GLB1L2: variants seen among roughly 807,000 people sequenced by gnomAD.
GLB1L2 encodes galactosidase beta 1 like 2, also known as beta-galactosidase-1-like protein 2.
Under a neutral mutation model 84.1 loss-of-function variants are expected in GLB1L2, and 68 were observed. The ratio of observed to expected loss-of-function variants is 0.81; its 90% CI spans 0.67 to 0.99. The LOEUF (loss-of-function observed/expected upper bound fraction) is 0.99, where lower values mean the gene tolerates loss of function less well. Ranked by LOEUF, GLB1L2 falls within the 50% of genes least tolerant of loss-of-function variation. GLB1L2 has a pLI of 0.00. For missense variants in GLB1L2, 762 were observed against 805.6 expected, an observed-to-expected ratio of 0.95 and a Z score of 0.66; for synonymous variants, 290 against 318.0, an observed-to-expected ratio of 0.91 and a Z score of 0.94.
intron 16 of GLB1L2, 79 bp downstream of exon 16, chr11:134,373,887 C>T (rs1017342150): frequency 2.6e-5 from 28 of 1,085,000 alleles, no homozygotes; most frequent in African/African-American, 1.7e-4. Flanking sequence ...CCTGGTGCAC[C>T]GTGGCCTGGC....
chr11:134,347,182 A>T, intron 4 of GLB1L2, 143 bp from the exon 5 acceptor site: 1 of 697,022 alleles, frequency 1.4e-6, no homozygotes, highest in Non-Finnish European at 2.6e-6. Flanking sequence ...TTGTCTCCCC[A>T]CTTCTGGGCT....
intron 1 of GLB1L2, 108 bp from the exon 2 acceptor site, chr11:134,342,646 A>C: frequency 1.8e-6 from 2 of 1,116,748 alleles, no homozygotes; most frequent in South Asian, 3.1e-5. Flanking sequence ...AGCCACCTGG[A>C]CGCAGGCGCC....
Position 134,369,887 on chromosome 11 carries a change from T to A in GLB1L2, c.1108+2T>A, listed in dbSNP as rs1943923629. On this transcript the variant is annotated splice_donor_variant, in intron 11 of 18. Transcript: ENST00000535456. LOFTEE classifies it high-confidence loss of function. ...GAGACTTCTTCGGCTCCATCTCAGG[T>A]ACCCAGCAGACAGCAGACTCAAGTT... 2 of 1,612,888 alleles carry A rather than the reference T, an allele frequency of 1.2e-6. No individual in the cohort carries two copies. The highest frequency in any genetic ancestry group is 2.2e-5 in the South Asian group (2 of 91,052).
In GLB1L2 at chr11:134,338,062, G is replaced by A. The variant is rs1365259596; in HGVS notation, c.87-4692G>A. 6.6e-6 allele frequency among the ~76,000 whole-genome samples: 1 copy of A among 152,174 alleles called. No individual in the cohort carries two copies. The highest frequency in any genetic ancestry group is 1.5e-5 in the Non-Finnish European group (1 of 68,028). On this transcript the variant is annotated intron_variant, in intron 1 of 18. Coordinates refer to ENST00000535456, the MANE Select transcript of GLB1L2 (RefSeq NM_001370461.1). This position sits in a 1 kb window ranked among gnomAD's most constrained non-coding sequence, Gnocchi z 6.2. ...AGATACCAGCTTGCGTATGCTGGTG[G>A]CCAGCCTCGGACTGCGTGAGTGCTG... is the stretch of plus-strand genomic sequence containing the variant.
chr11:134,371,747 G>A lies in GLB1L2; in HGVS notation c.1429-5G>A, dbSNP rs552248028. 16 of 1,613,948 alleles carry A rather than the reference G, an allele frequency of 9.9e-6. No individual in the cohort carries two copies. Among genetic ancestry groups the A allele is most frequent in the Admixed American group, 8.3e-5 (5 of 60,012 alleles). ...CAGTCATCGTTAGCCCCGTGTTCCCGGCAGGGTTACACCGTGCTGAGGATC... is the reference window on the plus strand; with the variant it reads ...CAGTCATCGTTAGCCCCGTGTTCCCAGCAGGGTTACACCGTGCTGAGGATC... On this transcript the variant is annotated splice_region_variant and splice_polypyrimidine_tract_variant and intron_variant, in intron 14 of 18. Coordinates refer to ENST00000535456, the MANE Select transcript of GLB1L2 (RefSeq NM_001370461.1).
At chr11:134,367,428 A>G (rs1242073367) in intron 9 of GLB1L2, 87 bp downstream of exon 9, 7 of 1,116,062 alleles carry the variant, frequency 6.3e-6, no homozygotes, top group Non-Finnish European at 9.2e-6. Flanking sequence ...AATGTAAGCC[A>G]TAGGGGGTGC....
chr11:134,341,383 C>CGACAGTTG (rs1274261629), intron 1 of GLB1L2, among the ~76,000 whole-genome samples: 3 of 66,362 alleles, frequency 4.5e-5, no homozygotes, highest in African/African-American at 1.5e-4. Context: ...TAACCCAAGG[C>CGACAGTTG]GACAGTTCTA....
At position 134,368,014 on chromosome 11, in the gene GLB1L2, C is replaced by T. The variant is rs893550907; in HGVS notation, c.890-630C>T. Among the ~76,000 whole-genome samples the T allele has an allele frequency of 4.1e-4, 62 of 152,294 alleles. 1 individual carries two copies. The highest frequency in any genetic ancestry group is 2.9e-4 in the Non-Finnish European group (20 of 68,024). ...TCGGCACCGTGTAGATGTGCATGCT[C>T]GCCCCTCAGCCCCCGGAAAGACGGC... On this transcript the variant is annotated intron_variant, in intron 9 of 18. Coordinates refer to ENST00000535456, the MANE Select transcript of GLB1L2 (RefSeq NM_001370461.1).
intron 1 of GLB1L2, among the ~76,000 whole-genome samples, chr11:134,336,072 G>A (rs1177316407): frequency 6.6e-6 from 1 of 152,202 alleles, no homozygotes; most frequent in Non-Finnish European, 1.5e-5. Flanking sequence ...TAGAAAGGCA[G>A]CAGGTGTTTT....
chr11:134,335,909 C>G (rs998850912), intron 1 of GLB1L2, among the ~76,000 whole-genome samples: 7 of 152,278 alleles, frequency 4.6e-5, no homozygotes, highest in Middle Eastern at 3.4e-3. Context: ...CCTCCCTCTC[C>G]ACCATCACCA....
At chr11:134,365,408 G>T (rs982648860) in intron 8 of GLB1L2, among the ~76,000 whole-genome samples, 3 of 152,198 alleles carry the variant, frequency 2.0e-5, no homozygotes, top group African/African-American at 7.2e-5. Context: ...GCAGTGGAGT[G>T]GGGGGTGCCT....
rs756435376 is a variant in GLB1L2 at position 134,344,407 on chromosome 11, A to C, written c.305A>C (p.His102Pro). 1 of 1,613,472 alleles carries C rather than the reference A, an allele frequency of 6.2e-7. No individual in the cohort carries two copies. Among genetic ancestry groups the C allele is most frequent in the Non-Finnish European group, 8.5e-7 (1 of 1,180,040 alleles). The change falls in exon 3 of 19, where the codon CAT (histidine) becomes CCT (proline). Residue 102 changes from histidine (H) to proline (P), a missense_variant. By Grantham distance (77) the His-to-Pro change is moderately conservative. Coordinates refer to ENST00000535456, the MANE Select transcript of GLB1L2 (RefSeq NM_001370461.1). ...TGCAGCTATGTTCCGTGGAACCTGC[A>C]TGAGCCAGAAAGAGGCAAATTTGAC... ...TLTTYVPWNL[H>P]EPERGKFDFS...
At chr11:134,371,572 TG>T in intron 14 of GLB1L2, 80 bp downstream of exon 14, 1 of 1,058,578 alleles carries the variant, frequency 9.4e-7, no homozygotes, top group Non-Finnish European at 1.5e-6. Flanking sequence ...GAGGAAAACC[TG>T]GGAGACCCGT....
chr11:134,354,722 A>G (rs1486316293), intron 5 of GLB1L2, among the ~76,000 whole-genome samples: 1 of 152,124 alleles, frequency 6.6e-6, no homozygotes, highest in Non-Finnish European at 1.5e-5. Flanking sequence ...TTTCTGGCTG[A>G]GATATCCTTT....
chr11:134,344,740 G>A (rs892176966), intron 3 of GLB1L2, among the ~76,000 whole-genome samples: 30 of 152,242 alleles, frequency 2.0e-4, no homozygotes, highest in African/African-American at 6.5e-4. Context: ...CGCTGGGCTG[G>A]GGCAGGGCGG....
chr11:134,356,497 C>A, intron 6 of GLB1L2, 104 bp downstream of exon 6: 1 of 733,226 alleles, frequency 1.4e-6, no homozygotes, highest in Non-Finnish European at 2.4e-6. Context: ...TTAATACATC[C>A]TCCAACATCA....
At chr11:134,373,912 G>A (rs1943990513) in intron 16 of GLB1L2, 104 bp downstream of exon 16, 2 of 888,948 alleles carry the variant, frequency 2.2e-6, no homozygotes, top group East Asian at 2.4e-5. Context: ...ACCCAGGTGT[G>A]AACGCCTCCA....
intron 1 of GLB1L2, among the ~76,000 whole-genome samples, chr11:134,336,903 T>C (rs11223759): frequency 0.33 from 50,301 of 152,092 alleles, 8,684 homozygotes; most frequent in Non-Finnish European, 0.38. Flanking sequence ...TGAGACACAG[T>C]CCTTTTCCTG....
intron 7 of GLB1L2, 47 bp from the exon 8 acceptor site, chr11:134,364,277 CCTGG>C: frequency 6.7e-7 from 1 of 1,488,220 alleles, no homozygotes; most frequent in Non-Finnish European, 9.3e-7. Flanking sequence ...CTAGAAGGTC[CCTGG>C]CTTTGAGACA....
Sources: gnomAD v4.1 joint callset for allele counts (sites outside exome capture counted in the v4.1 genomes callset) on GRCh38, gnomAD v4.1.1 for gene constraint, Gnocchi (gnomAD v3.1) non-coding constraint, MANE v1.5 for transcripts, NCBI Gene and HGNC (gene_info 2026-07-23, HGNC 2026-07-21) for gene names.